Variants in GRM8 observed in about 807,000 individuals in gnomAD.
The protein encoded by GRM8 is metabotropic glutamate receptor 8.
A neutral mutation model predicts 87.2 loss-of-function variants in GRM8; 47 were observed. That is an observed-to-expected ratio of 0.54 (90% CI 0.43 to 0.69). GRM8 has a LOEUF of 0.69. Ranked by LOEUF, GRM8 falls within the 30% of genes least tolerant of loss-of-function variation. The pLI, the probability that GRM8 is intolerant of heterozygous loss-of-function variation, is 0.00. For missense variants in GRM8, 1,019 were observed against 1,139.2 expected (o/e 0.89, Z 1.52); for synonymous variants, 396 against 404.5 (o/e 0.98, Z 0.25).
intron 8 of GRM8, among the ~76,000 whole-genome samples, chr7:126,578,841 AG>A (rs1385440185): frequency 6.6e-6 from 1 of 152,106 alleles, no homozygotes; most frequent in Non-Finnish European, 1.5e-5. Context: ...AAACTTAAAG[AG>A]GAAAAAAAAA....
chr7:126,781,365 C>T (rs1385944676), intron 6 of GRM8, among the ~76,000 whole-genome samples: 3 of 152,126 alleles, frequency 2.0e-5, no homozygotes, highest in Non-Finnish European at 2.9e-5. Flanking sequence ...TTACAATCTC[C>T]CTAGGTTATA....
intron 6 of GRM8, among the ~76,000 whole-genome samples, chr7:126,887,984 T>C (rs1006690731): frequency 2.6e-5 from 4 of 152,256 alleles, no homozygotes; most frequent in African/African-American, 7.2e-5. Flanking sequence ...AGGCTGTCCA[T>C]GTATTGACAT....
At chr7:126,899,761 T>G (rs1801887694) in intron 6 of GRM8, among the ~76,000 whole-genome samples, 1 of 151,520 alleles carries the variant, frequency 6.6e-6, no homozygotes, top group Non-Finnish European at 1.5e-5. Context: ...GAAAACATGC[T>G]TAAATGTGCC....
At chr7:126,852,847 A>C (rs1266598497) in intron 6 of GRM8, among the ~76,000 whole-genome samples, 1 of 152,126 alleles carries the variant, frequency 6.6e-6, no homozygotes, top group Non-Finnish European at 1.5e-5. Flanking sequence ...TGTATTTATA[A>C]AAAATGGATA....
At chr7:126,628,838 C>G (rs1389668552) in intron 7 of GRM8, among the ~76,000 whole-genome samples, 1 of 151,370 alleles carries the variant, frequency 6.6e-6, no homozygotes, top group Non-Finnish European at 1.5e-5. Context: ...AAATGAAAGT[C>G]ACTTTGCATG....
In GRM8 at chr7:126,843,784, A is replaced by G. The variant is rs182423474; in HGVS notation, c.1156+58758T>C. ...TGTTTTCCTTCTGCTCAGCTGTTAC[A>G]TGTGCCTACAGAAAGACAACTTCAC... is the stretch of plus-strand genomic sequence containing the variant. On this transcript the variant is annotated intron_variant, in intron 6 of 10. Coordinates refer to ENST00000339582, the MANE Select transcript of GRM8 (RefSeq NM_000845.3). Among the ~76,000 whole-genome samples, 11 of 152,334 alleles carry G rather than the reference A, an allele frequency of 7.2e-5. No homozygotes were observed. In the East Asian group the frequency reaches 1.9e-3, roughly 27 times the overall value.
chr7:126,452,986 T>G (rs568110514), intron 9 of GRM8, among the ~76,000 whole-genome samples: 1 of 151,708 alleles, frequency 6.6e-6, no homozygotes, highest in Non-Finnish European at 1.5e-5. Flanking sequence ...TCTCTATTCA[T>G]CTTCCTTCAT....
chr7:126,651,882 C>T lies in GRM8; in HGVS notation c.1358-42384G>A, dbSNP rs987128779. 3.5e-4 allele frequency among the ~76,000 whole-genome samples: 53 copies of T among 152,180 alleles called. 1 individual carries two copies. Among genetic ancestry groups the T allele is most frequent in the Non-Finnish European group, 4.4e-5 (3 of 68,032 alleles). ...AATGGGAAACTACAACAGCCCAATCCAGGCAGGACTACAAATGGCCAAGAC... is the reference window on the plus strand; with the variant it reads ...AATGGGAAACTACAACAGCCCAATCTAGGCAGGACTACAAATGGCCAAGAC... On this transcript the variant is annotated intron_variant, in intron 7 of 10. Coordinates refer to ENST00000339582, the MANE Select transcript of GRM8 (RefSeq NM_000845.3).
chr7:126,610,284 T>C (rs986612029), intron 7 of GRM8, among the ~76,000 whole-genome samples: 3 of 152,246 alleles, frequency 2.0e-5, no homozygotes, highest in Non-Finnish European at 4.4e-5. Context: ...CACCCCAATG[T>C]CTTCTTGTTC....
chr7:126,803,109 G>A (rs1822913620), intron 6 of GRM8, among the ~76,000 whole-genome samples: 1 of 152,152 alleles, frequency 6.6e-6, no homozygotes, highest in Non-Finnish European at 1.5e-5. Context: ...GAATAAATTA[G>A]TGATTCTCTT....
chr7:126,542,765 G>A (rs1816692825), intron 8 of GRM8, among the ~76,000 whole-genome samples: 1 of 152,154 alleles, frequency 6.6e-6, no homozygotes, highest in African/African-American at 2.4e-5. Flanking sequence ...TGACATGATA[G>A]TATTATTTTT....
chr7:127,224,634 A>C (rs947470391), intron 2 of GRM8, among the ~76,000 whole-genome samples: 2 of 152,190 alleles, frequency 1.3e-5, no homozygotes, highest in African/African-American at 4.8e-5. Context: ...ATATAAATAC[A>C]ATCGAGTTTG....
intron 6 of GRM8, among the ~76,000 whole-genome samples, chr7:126,887,294 G>A (rs1800587135): frequency 1.3e-5 from 2 of 152,074 alleles, no homozygotes; most frequent in Non-Finnish European, 2.9e-5. Context: ...TTCTCGAGGT[G>A]TCTTTGTAGT....
rs1049433092 is a variant in GRM8 at position 126,685,605 on chromosome 7, T to C, written c.1358-76107A>G. On this transcript the variant is annotated intron_variant, in intron 7 of 10. Transcript: ENST00000339582. This position sits in a 1 kb window ranked among gnomAD's most constrained non-coding sequence, Gnocchi z 4.2. ...GGTTGGGGCCAAGCCTGAGCACTGT[T>C]GCAGTTTGGCCAGGGGCATATGCTC... 1.3e-5 allele frequency among the ~76,000 whole-genome samples: 2 copies of C among 152,100 alleles called. No homozygotes were observed. Among genetic ancestry groups the C allele is most frequent in the Admixed American group, 1.3e-4 (2 of 15,288 alleles).
intron 7 of GRM8, among the ~76,000 whole-genome samples, chr7:126,637,460 T>C (rs1002647143): frequency 1.3e-5 from 2 of 152,054 alleles, no homozygotes; most frequent in Non-Finnish European, 2.9e-5. Context: ...ATGTATATTT[T>C]ACTGTAATTT....
intron 9 of GRM8, among the ~76,000 whole-genome samples, chr7:126,478,423 C>T (rs1172717049): frequency 2.0e-5 from 3 of 152,088 alleles, no homozygotes; most frequent in Admixed American, 1.3e-4. Flanking sequence ...AGGAAATCAA[C>T]GATCACTTCT....
At chr7:126,756,339 G>C (rs1376280316) in intron 7 of GRM8, among the ~76,000 whole-genome samples, 2 of 152,070 alleles carry the variant, frequency 1.3e-5, no homozygotes, top group Non-Finnish European at 2.9e-5. Context: ...ATAGAAGAAA[G>C]TCTAAATCAC....
At chr7:126,691,370 T>TA (rs1224324545) in intron 7 of GRM8, among the ~76,000 whole-genome samples, 3 of 152,134 alleles carry the variant, frequency 2.0e-5, no homozygotes, top group African/African-American at 7.2e-5. Context: ...AGGGAGCAGG[T>TA]ACTTCTGATC....
At chr7:126,591,673 A>G (rs545159273) in intron 8 of GRM8, among the ~76,000 whole-genome samples, 2 of 152,000 alleles carry the variant, frequency 1.3e-5, no homozygotes, top group African/African-American at 4.8e-5. Context: ...GCTTGCATCA[A>G]AAAAGACCAG....
Sources: allele counts gnomAD v4.1 joint callset (sites outside exome capture counted in the v4.1 genomes callset), GRCh38; gene constraint gnomAD v4.1.1; non-coding constraint Gnocchi (gnomAD v3.1); transcripts MANE v1.5; gene names NCBI Gene and HGNC (gene_info 2026-07-23, HGNC 2026-07-21).